Variants in PACRGL observed in about 807,000 individuals in gnomAD.
PACRGL encodes parkin coregulated like, also known as PACRG-like protein.
A neutral mutation model predicts 34.5 loss-of-function variants in PACRGL; 38 were observed. That is an observed-to-expected ratio of 1.10 (90% CI 0.85 to 1.44). The LOEUF (loss-of-function observed/expected upper bound fraction) is 1.44, where lower values mean the gene tolerates loss of function less well. Ranked by LOEUF, PACRGL falls within the 40% of genes most tolerant of loss-of-function variation. PACRGL has a pLI of 0.00. For missense variants in PACRGL, 305 were observed against 281.4 expected, an observed-to-expected ratio of 1.08 and a Z score of -0.60; for synonymous variants, 128 against 100.1, an observed-to-expected ratio of 1.28 and a Z score of -1.66.
At chr4:20,703,940 A>G (rs138164069) in intron 1 of PACRGL, among the ~76,000 whole-genome samples, 90 of 152,298 alleles carry the variant, frequency 5.9e-4, no homozygotes, top group African/African-American at 2.1e-3. Flanking sequence ...CCCTGGGTTA[A>G]CAAGGGGTTC....
intron 7 of PACRGL, chr4:20,716,386 A>G: frequency 1.7e-6 from 1 of 576,034 alleles, no homozygotes; most frequent in South Asian, 2.3e-5. Context: ...TCTAGGGTAC[A>G]TGTGCACAAC....
At chr4:20,702,331 T>C (rs1322394770) in intron 1 of PACRGL, 2 of 387,126 alleles carry the variant, frequency 5.2e-6, no homozygotes, top group African/African-American at 4.2e-5. Flanking sequence ...GTTGCAGCTG[T>C]TAACAATTGA....
chr4:20,725,758 T>C (rs1403735512), intron 8 of PACRGL, among the ~76,000 whole-genome samples: 1 of 151,906 alleles, frequency 6.6e-6, no homozygotes, highest in Non-Finnish European at 1.5e-5. Context: ...ATGAGTTGTT[T>C]GATTGATTAT....
In PACRGL at chr4:20,728,552, T is replaced by TGTAAGATTTAATTA. The variant is rs1224994145; in HGVS notation, c.*1212_*1225dup. 6.6e-6 allele frequency: 1 copy of TGTAAGATTTAATTA among 152,508 alleles called. No homozygotes were observed. Among genetic ancestry groups the TGTAAGATTTAATTA allele is most frequent in the African/African-American group, 2.4e-5 (1 of 41,466 alleles). The allele number at this position is 152,508 out of a possible 1,614,324, so 9.4% of individuals were successfully genotyped here. On this transcript the variant is annotated 3_prime_UTR_variant, in exon 9 of 9. Transcript: ENST00000503585. ...GAGCTATCTGCCATCTAGAAAGTAC[T>TGTAAGATTTAATTA]GTAAGATTTAATTAATTACAAAATT...
downstream of PACRGL, among the ~76,000 whole-genome samples, chr4:20,733,525 T>A (rs1052976927): frequency 4.6e-5 from 7 of 152,210 alleles, no homozygotes; most frequent in African/African-American, 1.7e-4. Flanking sequence ...TATTCAATTA[T>A]AAATGATAGA....
intron 8 of PACRGL, among the ~76,000 whole-genome samples, chr4:20,745,953 T>C (rs565388741): frequency 2.2e-4 from 34 of 152,178 alleles, no homozygotes; most frequent in Middle Eastern, 3.2e-3. Context: ...AGTTCAACCA[T>C]TGTGGAAGAC....
intron 7 of PACRGL, among the ~76,000 whole-genome samples, chr4:20,720,428 T>C (rs1425011214): frequency 1.3e-5 from 2 of 152,232 alleles, no homozygotes; most frequent in Non-Finnish European, 2.9e-5. Context: ...CTAGCCTCGA[T>C]GGTCTTTACA....
At chr4:20,745,469 T>G (rs2149322094) in intron 8 of PACRGL, among the ~76,000 whole-genome samples, 1 of 152,284 alleles carries the variant, frequency 6.6e-6, no homozygotes, top group East Asian at 1.9e-4. Context: ...CTTATAAGAC[T>G]TTTGCTCCGT....
rs1358042038 is a variant in PACRGL at position 20,727,341 on chromosome 4, AAGAAGGG to A, written c.*3_*9del. 1.9e-6 allele frequency: 3 copies of A among 1,611,314 alleles called. No individual in the cohort carries two copies. Among genetic ancestry groups the A allele is most frequent in the Non-Finnish European group, 2.5e-6 (3 of 1,177,728 alleles). On this transcript the variant is annotated 3_prime_UTR_variant, in exon 9 of 9. Coordinates refer to ENST00000503585, the MANE Select transcript of PACRGL (RefSeq NM_001258345.3). ...CAACATACTGCTCCATATGCTGTTG[AAGAAGGG>A]AGCCAACAAAAATTGTTTTTTCTAC...
At chr4:20,716,045 A>C (rs1235125977) in intron 7 of PACRGL, 57 of 1,447,370 alleles carry the variant, frequency 3.9e-5, no homozygotes, top group Non-Finnish European at 9.1e-7. Context: ...TGTAAATTGC[A>C]TTCAGGAAGA....
the PACRGL span, among the ~76,000 whole-genome samples, chr4:20,759,286 A>G: frequency 1.1e-3 from 169 of 152,308 alleles, 1 homozygote; most frequent in African/African-American, 3.8e-3. Flanking sequence ...CTGAACTCAC[A>G]TAATCTTCGA....
intron 8 of PACRGL, among the ~76,000 whole-genome samples, chr4:20,740,125 T>C (rs1469931797): frequency 6.6e-6 from 1 of 152,096 alleles, no homozygotes; most frequent in East Asian, 1.9e-4. Context: ...TACCTGAAAG[T>C]GACGGGGAGA....
In PACRGL at chr4:20,730,308, G is replaced by T. The variant is rs756762493; in HGVS notation, c.*2967G>T. ...TATTCTATCCATTTTCCACATAGAT[G>T]ACTATGAAGGACCCATTTTATATTT... On this transcript the variant is annotated 3_prime_UTR_variant, in exon 9 of 9. Transcript: ENST00000503585. 4.6e-5 allele frequency among the ~76,000 whole-genome samples: 7 copies of T among 152,150 alleles called. No homozygotes were observed. Among genetic ancestry groups the T allele is most frequent in the Non-Finnish European group, 8.8e-5 (6 of 68,032 alleles).
intron 7 of PACRGL, chr4:20,716,108 A>G: frequency 1.3e-6 from 2 of 1,527,442 alleles, no homozygotes; most frequent in East Asian, 4.9e-5. Context: ...ATTTACTAGG[A>G]CCCTGTGCAG....
chr4:20,715,078 G>A (rs576170983), intron 7 of PACRGL, among the ~76,000 whole-genome samples: 3 of 152,286 alleles, frequency 2.0e-5, no homozygotes, highest in African/African-American at 7.2e-5. Flanking sequence ...TACACACCAT[G>A]GAATACTATG....
upstream of PACRGL, among the ~76,000 whole-genome samples, chr4:20,699,170 A>G (rs1398595684): frequency 6.6e-6 from 1 of 152,184 alleles, no homozygotes. Flanking sequence ...GTCTTGAGGA[A>G]GCTGGAGATG....
chr4:20,738,241 T>C (rs796762078), intron 8 of PACRGL, among the ~76,000 whole-genome samples: 15 of 152,266 alleles, frequency 9.9e-5, no homozygotes, highest in African/African-American at 2.9e-4. Flanking sequence ...CTAGATGAGA[T>C]TGATTGTTAT....
At chr4:20,718,052 TCCCTTGTAAG>T (rs1741024364) in intron 7 of PACRGL, among the ~76,000 whole-genome samples, 1 of 151,908 alleles carries the variant, frequency 6.6e-6, no homozygotes. Flanking sequence ...GTCCTTCACA[TCCCTTGTAAG>T]TTGGATTCCT....
At chr4:20,746,175 C>T (rs990456899) in intron 8 of PACRGL, among the ~76,000 whole-genome samples, 4 of 152,246 alleles carry the variant, frequency 2.6e-5, no homozygotes, top group South Asian at 2.1e-4. Context: ...GGCACATATA[C>T]ACCATGGAAT....
Sources: gnomAD v4.1 joint callset for allele counts (sites outside exome capture counted in the v4.1 genomes callset) on GRCh38, gnomAD v4.1.1 for gene constraint, MANE v1.5 for transcripts, NCBI Gene and HGNC (gene_info 2026-07-23, HGNC 2026-07-21) for gene names.